The following DDX10 variants were observed in gnomAD, a reference collection of about 807,000 sequenced individuals.
The protein encoded by DDX10 is probable ATP-dependent RNA helicase DDX10.
DDX10 carries 74 observed loss-of-function variants against 104.3 expected under a neutral mutation model. The observed-to-expected ratio is 0.71, with a 90% CI of 0.59 to 0.86. DDX10 has a LOEUF of 0.86. Among genes scored for constraint, DDX10 ranks in the 40% least tolerant of loss-of-function variants. The pLI is 0.00. For missense variants in DDX10, 952 were observed against 1,040.0 expected, an observed-to-expected ratio of 0.92 and a Z score of 1.16; for synonymous variants, 351 against 353.4, an observed-to-expected ratio of 0.99 and a Z score of 0.08.
chr11:108,800,456 A>AAAAAT lies in DDX10; in HGVS notation c.1966-37986_1966-37985insTAAAA, dbSNP rs1862005341. Among the ~76,000 whole-genome samples, 3 of 150,986 alleles carry AAAAAT rather than the reference A, an allele frequency of 2.0e-5. No individual in the cohort carries two copies. In the East Asian group the frequency reaches 5.8e-4, roughly 29 times the overall value. Reference sequence around the variant, plus strand: ...CGAGACTCTTTCAAAAAAAAAAAAAAAAAAAAGAACATCTTAACATATACT... The same window carrying AAAAAT: ...CGAGACTCTTTCAAAAAAAAAAAAAAAAAATAAAAAAGAACATCTTAACATATACT... On this transcript the variant is annotated intron_variant, in intron 13 of 17. Transcript: ENST00000322536.
At chr11:108,916,943 A>G (rs1240020373) in intron 16 of DDX10, among the ~76,000 whole-genome samples, 1 of 152,042 alleles carries the variant, frequency 6.6e-6, no homozygotes, top group Non-Finnish European at 1.5e-5. Flanking sequence ...CCTCCCATGC[A>G]TTATTGCTTT....
chr11:108,808,072 T>A (rs1862124772), intron 13 of DDX10, among the ~76,000 whole-genome samples: 1 of 152,214 alleles, frequency 6.6e-6, no homozygotes, highest in Non-Finnish European at 1.5e-5. Flanking sequence ...GAAAGGCTAA[T>A]TTCATAGAGT....
intron 17 of DDX10, among the ~76,000 whole-genome samples, chr11:108,927,469 A>G (rs1305812765): frequency 1.3e-5 from 2 of 152,088 alleles, no homozygotes; most frequent in African/African-American, 4.8e-5. Context: ...TAACTTAATT[A>G]TTGGAACTGT....
chr11:108,868,603 G>A (rs1458777381), intron 16 of DDX10, among the ~76,000 whole-genome samples: 1 of 152,034 alleles, frequency 6.6e-6, no homozygotes, highest in Non-Finnish European at 1.5e-5. Flanking sequence ...TAATGAGTTT[G>A]ATGGCACTGG....
At chr11:108,708,149 G>C (rs537389916) in intron 10 of DDX10, among the ~76,000 whole-genome samples, 1 of 149,198 alleles carries the variant, frequency 6.7e-6, no homozygotes, top group African/African-American at 2.5e-5. Flanking sequence ...ATTCTTGCCA[G>C]CATTTGTAGA....
intron 16 of DDX10, among the ~76,000 whole-genome samples, chr11:108,875,638 A>C (rs561145959): frequency 4.3e-4 from 66 of 152,348 alleles, no homozygotes; most frequent in African/African-American, 1.5e-3. Flanking sequence ...CCAGGAGAGC[A>C]GTTAGAAAAA....
intron 13 of DDX10, among the ~76,000 whole-genome samples, chr11:108,818,160 A>C (rs1008689698): frequency 1.3e-5 from 2 of 152,208 alleles, no homozygotes; most frequent in Non-Finnish European, 2.9e-5. Flanking sequence ...GTGGACATGC[A>C]TGCTTCTGAG....
At chr11:108,867,104 T>C (rs539165489) in intron 16 of DDX10, among the ~76,000 whole-genome samples, 8 of 152,272 alleles carry the variant, frequency 5.3e-5, no homozygotes, top group South Asian at 2.1e-4. Flanking sequence ...ATGTGCTAGG[T>C]TGACATCAAA....
At chr11:108,762,499 T>C (rs1217071773) in intron 13 of DDX10, among the ~76,000 whole-genome samples, 2 of 152,128 alleles carry the variant, frequency 1.3e-5, no homozygotes, top group Admixed American at 1.3e-4. Flanking sequence ...AACTAGGCAA[T>C]AGAGACCAAA....
At chr11:108,871,261 A>G (rs1863078542) in intron 16 of DDX10, among the ~76,000 whole-genome samples, 1 of 152,184 alleles carries the variant, frequency 6.6e-6, no homozygotes, top group African/African-American at 2.4e-5. Context: ...AAGGGGTTGC[A>G]GTGACTAATT....
chr11:108,770,883 A>T (rs2094362280), intron 13 of DDX10, among the ~76,000 whole-genome samples: 1 of 152,106 alleles, frequency 6.6e-6, no homozygotes, highest in Non-Finnish European at 1.5e-5. Context: ...TTGCTGGATC[A>T]TATGGTAGCT....
chr11:108,730,287 A>G (rs902179233), intron 13 of DDX10, among the ~76,000 whole-genome samples: 1 of 152,214 alleles, frequency 6.6e-6, no homozygotes, highest in Non-Finnish European at 1.5e-5. Context: ...AGATTTCTCA[A>G]CCACTAGGAC....
chr11:108,688,886 G>A (rs369002763), intron 6 of DDX10, 50 bp from the exon 7 acceptor site: 10 of 1,572,204 alleles, frequency 6.4e-6, no homozygotes, highest in South Asian at 1.2e-5. Flanking sequence ...CTGGATTTCA[G>A]TTACTTACAT....
Position 108,816,088 on chromosome 11 carries a change from G to C in DDX10, c.1966-22358G>C, listed in dbSNP as rs183981641. Among the ~76,000 whole-genome samples, 4 of 151,742 alleles carry C rather than the reference G, an allele frequency of 2.6e-5. No individual in the cohort carries two copies. In the East Asian group the frequency reaches 5.8e-4, roughly 22 times the overall value. ...AATTGCCCTCTTCCCTTAGCTTTTG[G>C]CATGCCATACTATTCCTGGATTTGT... On this transcript the variant is annotated intron_variant, in intron 13 of 17. Transcript: ENST00000322536.
chr11:108,679,537 G>A lies in DDX10; in HGVS notation c.825G>A (p.Trp275Ter), dbSNP rs200169022. 3.7e-6 allele frequency: 6 copies of A among 1,602,348 alleles called. No individual in the cohort carries two copies. The highest frequency in any genetic ancestry group is 5.1e-6 in the Non-Finnish European group (6 of 1,177,098). Residue 275 changes from tryptophan (W) to a stop codon, truncating the protein, a stop_gained, in exon 6 of 18, where the codon TGG (tryptophan) becomes TGA (stop). Transcript: ENST00000322536. LOFTEE classifies it high-confidence loss of function. ...GTTTGAAAAACCCTGAGTATGTCTGGGTTCATGAAAAAGCAAAATATAGGT... is the reference window on the plus strand; with the variant it reads ...GTTTGAAAAACCCTGAGTATGTCTGAGTTCATGAAAAAGCAAAATATAGGT... ...RLSLKNPEYVWVHEKAKYSTP... is the reference protein window; with the variant it reads ...RLSLKNPEYV
At chr11:108,864,145 G>A (rs571623239) in intron 16 of DDX10, among the ~76,000 whole-genome samples, 3 of 152,262 alleles carry the variant, frequency 2.0e-5, no homozygotes, top group African/African-American at 7.2e-5. Context: ...AAAAATGTGA[G>A]CCATGATTAA....
rs151195605 is a variant in DDX10, at chr11:108,678,419, C to T, written c.642C>T (p.Thr214=). 1.8e-4 allele frequency: 291 copies of T among 1,603,512 alleles called. 1 individual carries two copies. The highest frequency in any genetic ancestry group is 3.3e-4 in the Middle Eastern group (2 of 6,020). ...HMDETVSFHA[T]DLQMLVLDEA... Reference sequence around the variant, plus strand: ...ATGAAACAGTATCTTTTCATGCTACCGACCTCCAAATGTTAGGTGAGTCAA... The same window carrying T: ...ATGAAACAGTATCTTTTCATGCTACTGACCTCCAAATGTTAGGTGAGTCAA... Residue 214 remains threonine, a synonymous_variant, in exon 5 of 18, where the codon ACC becomes ACT. Coordinates refer to ENST00000322536, the MANE Select transcript of DDX10 (RefSeq NM_004398.4).
intron 13 of DDX10, among the ~76,000 whole-genome samples, chr11:108,787,988 G>A (rs184261838): frequency 6.6e-5 from 10 of 152,300 alleles, no homozygotes; most frequent in African/African-American, 2.4e-4. Context: ...TTCCCTTCCA[G>A]AAGCTCAGTT....
chr11:108,925,080 G>A (rs567728722), intron 17 of DDX10, among the ~76,000 whole-genome samples: 5 of 152,216 alleles, frequency 3.3e-5, no homozygotes, highest in East Asian at 3.9e-4. Context: ...AATCTCAGTC[G>A]TTTCTTATTT....
Sources: allele counts gnomAD v4.1 joint callset (sites outside exome capture counted in the v4.1 genomes callset), GRCh38; gene constraint gnomAD v4.1.1; transcripts MANE v1.5; gene names NCBI Gene and HGNC (gene_info 2026-07-23, HGNC 2026-07-21).